The following XKR9 variants were observed in gnomAD, a reference collection of about 807,000 sequenced individuals.
XKR9 encodes XK related 9.
XKR9 carries 32 observed loss-of-function variants against 32.0 expected under a neutral mutation model. That is an observed-to-expected ratio of 1.00 (90% CI 0.76 to 1.34). The LOEUF (loss-of-function observed/expected upper bound fraction) is 1.34. Among genes scored for constraint, XKR9 ranks in the 40% most tolerant of loss-of-function variants. XKR9 has a pLI of 0.00. For missense variants in XKR9, 546 were observed against 429.7 expected (o/e 1.27, Z -2.39); for synonymous variants, 168 against 143.4 (o/e 1.17, Z -1.22).
At chr8:70,765,293 C>T (rs963992707) in intron 2 of XKR9, among the ~76,000 whole-genome samples, 40 of 152,102 alleles carry the variant, frequency 2.6e-4, no homozygotes, top group African/African-American at 8.7e-4. Context: ...TTCTAACTGG[C>T]GTGAGATGGT....
At chr8:70,994,756 T>G in the XKR9 span, among the ~76,000 whole-genome samples, 589 of 152,152 alleles carry the variant, frequency 3.9e-3, 7 homozygotes, top group Non-Finnish European at 6.9e-3. Flanking sequence ...TGTTTTTTTT[T>G]TTTTTTGCCT....
intron 3 of XKR9, among the ~76,000 whole-genome samples, chr8:70,697,323 T>C (rs1242513099): frequency 0.011 from 1,669 of 150,918 alleles, 19 homozygotes; most frequent in African/African-American, 0.036. Flanking sequence ...TGTGGGTTTG[T>C]CATAGATAGC....
At chr8:70,717,649 C>T (rs1019538289) in intron 4 of XKR9, among the ~76,000 whole-genome samples, 2 of 152,124 alleles carry the variant, frequency 1.3e-5, no homozygotes, top group African/African-American at 4.8e-5. Flanking sequence ...TCATCTTAGG[C>T]CTCCAGGTCT....
chr8:70,776,947 C>CTCTCTCTCTCTCTCTCTCTATATATATA, intron 2 of XKR9, among the ~76,000 whole-genome samples: 15 of 54,202 alleles, frequency 2.8e-4, no homozygotes, highest in African/African-American at 8.7e-4. Context: ...CTCTCTCTCT[C>CTCTCTCTCTCTCTCTCTCTATATATATA]TATATATATA....
chr8:71,048,642 C>T, the XKR9 span, among the ~76,000 whole-genome samples: 1 of 152,064 alleles, frequency 6.6e-6, no homozygotes, highest in Non-Finnish European at 1.5e-5. Context: ...GGCTTTTGGC[C>T]TGAAAGTCAC....
At chr8:70,950,213 A>C in the XKR9 span, among the ~76,000 whole-genome samples, 1 of 152,170 alleles carries the variant, frequency 6.6e-6, no homozygotes, top group Non-Finnish European at 1.5e-5. Context: ...GGAGCTTACA[A>C]CTTGGTGGGG....
chr8:71,064,137 G>A, the XKR9 span, among the ~76,000 whole-genome samples: 2 of 152,030 alleles, frequency 1.3e-5, no homozygotes, highest in Non-Finnish European at 2.9e-5. Flanking sequence ...AGAGATAAAA[G>A]TATAGAGATG....
intron 3 of XKR9, among the ~76,000 whole-genome samples, chr8:70,686,834 A>G (rs557383393): frequency 6.6e-6 from 1 of 152,196 alleles, no homozygotes; most frequent in African/African-American, 2.4e-5. Flanking sequence ...TATTATGGGT[A>G]CATAATAGGT....
chr8:71,000,778 T>C, the XKR9 span, among the ~76,000 whole-genome samples: 1 of 152,308 alleles, frequency 6.6e-6, no homozygotes, highest in Non-Finnish European at 1.5e-5. Context: ...TCAGCTGTAC[T>C]CATGTGTGTG....
At chr8:70,993,379 T>C in the XKR9 span, among the ~76,000 whole-genome samples, 1 of 152,182 alleles carries the variant, frequency 6.6e-6, no homozygotes, top group Non-Finnish European at 1.5e-5. Flanking sequence ...TCCTGTTTCC[T>C]AGCCATCTGA....
At chr8:71,036,842 T>G in the XKR9 span, among the ~76,000 whole-genome samples, 1 of 151,838 alleles carries the variant, frequency 6.6e-6, no homozygotes, top group East Asian at 1.9e-4. Flanking sequence ...GATTCATAAT[T>G]TTCTCCAGCT....
chr8:71,003,711 A>G, the XKR9 span, among the ~76,000 whole-genome samples: 2 of 152,204 alleles, frequency 1.3e-5, no homozygotes, highest in Non-Finnish European at 2.9e-5. Context: ...CTCTGTCTAA[A>G]TTGAAGATTG....
chr8:70,828,354 G>A, the XKR9 span, among the ~76,000 whole-genome samples: 3 of 152,136 alleles, frequency 2.0e-5, no homozygotes, highest in African/African-American at 4.8e-5. Context: ...TGATTTAACC[G>A]TGGGCATGGA....
At chr8:70,885,179 A>G in the XKR9 span, among the ~76,000 whole-genome samples, 1 of 152,070 alleles carries the variant, frequency 6.6e-6, no homozygotes, top group Non-Finnish European at 1.5e-5. Flanking sequence ...CTAATTATTT[A>G]AAAATTGCTG....
chr8:70,960,060 T>A, the XKR9 span, among the ~76,000 whole-genome samples: 1 of 152,142 alleles, frequency 6.6e-6, no homozygotes, highest in Non-Finnish European at 1.5e-5. Context: ...AGAAGCCCTG[T>A]CTCTACTAAA....
the XKR9 span, among the ~76,000 whole-genome samples, chr8:70,965,158 G>T: frequency 6.6e-5 from 10 of 151,634 alleles, no homozygotes; most frequent in South Asian, 2.1e-4. Context: ...TAACATGAAG[G>T]GTTGTTGAAT....
the XKR9 span, among the ~76,000 whole-genome samples, chr8:70,823,128 T>C: frequency 6.6e-6 from 1 of 152,348 alleles, no homozygotes; most frequent in South Asian, 2.1e-4. Context: ...CATGAAGAGA[T>C]GATATCTTTT....
chr8:70,678,151 C>G (rs946517060), intron 2 of XKR9: 29 of 152,100 alleles, frequency 1.9e-4, no homozygotes, highest in African/African-American at 6.0e-4. Context: ...TGAGTCCTGC[C>G]CTGACCAATC....
At chr8:70,798,543 C>G in the XKR9 span, among the ~76,000 whole-genome samples, 1 of 152,334 alleles carries the variant, frequency 6.6e-6, no homozygotes, top group South Asian at 2.1e-4. Flanking sequence ...TCTGCAGAAG[C>G]TCCTCAGTTT....
Sources: allele counts gnomAD v4.1 joint callset (sites outside exome capture counted in the v4.1 genomes callset), GRCh38; gene constraint gnomAD v4.1.1; transcripts MANE v1.5; gene names NCBI Gene and HGNC (gene_info 2026-07-23, HGNC 2026-07-21).